TMEM108: variants seen among roughly 807,000 people sequenced by gnomAD.
The protein encoded by TMEM108 is cancer/testis antigen 124.
In TMEM108, 12 loss-of-function variants were observed where a neutral mutation model predicts 35.1. That is an observed-to-expected ratio of 0.34 (90% CI 0.22 to 0.55). The LOEUF (loss-of-function observed/expected upper bound fraction) is 0.55. TMEM108 is among the 20% of genes least tolerant of loss of function. TMEM108 has a pLI of 0.89. For missense variants in TMEM108, 680 were observed against 753.3 expected, an observed-to-expected ratio of 0.90 and a Z score of 1.14; for synonymous variants, 287 against 308.6, an observed-to-expected ratio of 0.93 and a Z score of 0.73.
chr3:133,395,312 C>T (rs1476864609), intron 5 of TMEM108, among the ~76,000 whole-genome samples: 2 of 152,114 alleles, frequency 1.3e-5, no homozygotes, highest in Non-Finnish European at 2.9e-5. Flanking sequence ...GGACTCAGAG[C>T]GGGAAGGAAT....
chr3:133,257,345 C>G (rs1440938549), intron 3 of TMEM108, among the ~76,000 whole-genome samples: 1 of 152,218 alleles, frequency 6.6e-6, no homozygotes, highest in Non-Finnish European at 1.5e-5. Context: ...TTGCTGTGGA[C>G]AGATTACATT....
chr3:133,066,856 T>C (rs1358127415), intron 2 of TMEM108, among the ~76,000 whole-genome samples: 4 of 152,334 alleles, frequency 2.6e-5, no homozygotes, highest in African/African-American at 7.2e-5. Context: ...TTTGCAGTTA[T>C]TCTTTACTTT....
chr3:133,227,412 C>A (rs1227324333), intron 2 of TMEM108, among the ~76,000 whole-genome samples: 1 of 148,002 alleles, frequency 6.8e-6, no homozygotes, highest in African/African-American at 2.5e-5. Flanking sequence ...CCAGGATGGT[C>A]TCGATCTCCT....
At chr3:133,267,092 A>G (rs1443697245) in intron 3 of TMEM108, among the ~76,000 whole-genome samples, 1 of 151,442 alleles carries the variant, frequency 6.6e-6, no homozygotes, top group Admixed American at 6.6e-5. Context: ...AAAAAAAAAA[A>G]AAAAGAACTC....
intron 3 of TMEM108, among the ~76,000 whole-genome samples, chr3:133,245,939 G>C (rs1406171283): frequency 1.3e-5 from 2 of 151,536 alleles, no homozygotes; most frequent in Non-Finnish European, 2.9e-5. Flanking sequence ...AAAAAATCTA[G>C]TGAAATATTT....
chr3:133,275,419 T>A (rs1946825690), intron 3 of TMEM108, among the ~76,000 whole-genome samples: 1 of 152,242 alleles, frequency 6.6e-6, no homozygotes, highest in Non-Finnish European at 1.5e-5. Flanking sequence ...TTTTCCATAT[T>A]AAGTTTTTGA....
chr3:133,344,107 C>A (rs2071744658), intron 3 of TMEM108, among the ~76,000 whole-genome samples: 1 of 151,706 alleles, frequency 6.6e-6, no homozygotes, highest in Admixed American at 6.6e-5. Flanking sequence ...TTTCAAATAT[C>A]CATGGATCAT....
chr3:133,140,063 C>G (rs1030485913), intron 2 of TMEM108, among the ~76,000 whole-genome samples: 2 of 152,170 alleles, frequency 1.3e-5, no homozygotes, highest in African/African-American at 4.8e-5. Flanking sequence ...TTTATAAATC[C>G]TTTTCAATTT....
intron 4 of TMEM108, chr3:133,387,000 G>A: frequency 1.0e-6 from 1 of 986,060 alleles, no homozygotes; most frequent in Non-Finnish European, 1.2e-6. Flanking sequence ...GAATATAGTA[G>A]AGACCCTGTA....
At chr3:133,325,990 T>C (rs2071328230) in intron 3 of TMEM108, among the ~76,000 whole-genome samples, 2 of 152,200 alleles carry the variant, frequency 1.3e-5, no homozygotes, top group Middle Eastern at 3.4e-3. Context: ...GAAGGGAGTA[T>C]AAATAAATAA....
At chr3:133,106,254 A>G (rs1239338950) in intron 2 of TMEM108, among the ~76,000 whole-genome samples, 1 of 149,860 alleles carries the variant, frequency 6.7e-6, no homozygotes, top group Non-Finnish European at 1.5e-5. Flanking sequence ...GTAGTCTACA[A>G]TGTACTTTCT....
chr3:133,150,333 G>A (rs1263919287), intron 2 of TMEM108, among the ~76,000 whole-genome samples: 2 of 87,310 alleles, frequency 2.3e-5, no homozygotes, highest in African/African-American at 1.1e-4. Flanking sequence ...AAAAAAATCA[G>A]GTTATTTGGT....
chr3:133,387,807 T>C, intron 4 of TMEM108: 2 of 981,818 alleles, frequency 2.0e-6, no homozygotes, highest in Non-Finnish European at 2.4e-6. Context: ...AAGTAATAGA[T>C]TGTCACCTAG....
chr3:133,230,884 G>T (rs186795452), intron 3 of TMEM108, among the ~76,000 whole-genome samples: 1 of 151,880 alleles, frequency 6.6e-6, no homozygotes, highest in Non-Finnish European at 1.5e-5. Flanking sequence ...GCTGAAGGGG[G>T]TTCAAACATC....
At chr3:133,209,428 T>C (rs1320131861) in intron 2 of TMEM108, among the ~76,000 whole-genome samples, 1 of 152,124 alleles carries the variant, frequency 6.6e-6, no homozygotes, top group African/African-American at 2.4e-5. Flanking sequence ...AAGCTGTCTA[T>C]AGAGTGGTTT....
At chr3:133,180,857 C>T (rs1055337031) in intron 2 of TMEM108, among the ~76,000 whole-genome samples, 1 of 152,002 alleles carries the variant, frequency 6.6e-6, no homozygotes, top group Admixed American at 6.6e-5. Flanking sequence ...GAATCTTCTA[C>T]TTCTTTCAGT....
chr3:133,303,395 A>G (rs1019124998), intron 3 of TMEM108: 5 of 152,148 alleles, frequency 3.3e-5, no homozygotes, highest in Admixed American at 6.5e-5. Context: ...AACAAATCTC[A>G]TGGATAATGA....
At chr3:133,142,141 CG>C (rs1944650646) in intron 2 of TMEM108, among the ~76,000 whole-genome samples, 1 of 152,100 alleles carries the variant, frequency 6.6e-6, no homozygotes, top group Non-Finnish European at 1.5e-5. Context: ...CAGTTAAGAA[CG>C]GCTGCTGAAA....
At chr3:133,088,719 C>T (rs368142577) in intron 2 of TMEM108, among the ~76,000 whole-genome samples, 2 of 152,222 alleles carry the variant, frequency 1.3e-5, no homozygotes, top group Admixed American at 6.5e-5. Flanking sequence ...ACATTTGAAT[C>T]GCTGCTTGCT....
Sources: gnomAD v4.1 joint callset for allele counts (sites outside exome capture counted in the v4.1 genomes callset) on GRCh38, gnomAD v4.1.1 for gene constraint, MANE v1.5 for transcripts, NCBI Gene and HGNC (gene_info 2026-07-23, HGNC 2026-07-21) for gene names.